IL1RAPL1: variants seen among roughly 807,000 people sequenced by gnomAD.
IL1RAPL1 encodes interleukin 1 receptor accessory protein like 1.
A neutral mutation model predicts 48.4 loss-of-function variants in IL1RAPL1; 3 were observed. The observed-to-expected ratio is 0.06, with a 90% CI of 0.03 to 0.16. IL1RAPL1 has a LOEUF of 0.16. Among genes scored for constraint, IL1RAPL1 ranks in the 10% least tolerant of loss-of-function variants. IL1RAPL1 has a pLI of 1.00. For synonymous variants in IL1RAPL1, 185 were observed against 187.7 expected (o/e 0.99, Z 0.12); for missense variants, 349 against 530.6 (o/e 0.66, Z 3.36).
chrX:29,890,134 T>C (rs1029897734), intron 6 of IL1RAPL1, among the ~76,000 whole-genome samples: 10 of 111,654 alleles, frequency 9.0e-5, no homozygotes, highest in Non-Finnish European at 5.6e-5. Context: ...ATTCTCTCAC[T>C]GTCTATTCCC....
intron 2 of IL1RAPL1, among the ~76,000 whole-genome samples, chrX:29,206,056 A>G (rs1420670360): frequency 9.0e-6 from 1 of 111,413 alleles, no homozygotes; most frequent in Non-Finnish European, 1.9e-5. Context: ...ATTAGTTTCT[A>G]TAATTTGTAT....
intron 2 of IL1RAPL1, among the ~76,000 whole-genome samples, chrX:29,090,872 C>G (rs1237072578): frequency 8.9e-6 from 1 of 112,068 alleles, no homozygotes; most frequent in Non-Finnish European, 1.9e-5. Flanking sequence ...AACTCAAAAC[C>G]ATAGAGGCTG....
intron 2 of IL1RAPL1, among the ~76,000 whole-genome samples, chrX:28,869,872 G>A (rs1464784660): frequency 9.0e-6 from 1 of 111,163 alleles, no homozygotes; most frequent in African/African-American, 3.3e-5. Flanking sequence ...TTATTTTCCT[G>A]TATCCACTAT....
At chrX:29,854,651 T>A (rs184902298) in intron 6 of IL1RAPL1, among the ~76,000 whole-genome samples, 1 of 111,454 alleles carries the variant, frequency 9.0e-6, no homozygotes, top group Non-Finnish European at 1.9e-5. Context: ...ACCCTTAAGT[T>A]AATTTTTTCT....
intron 6 of IL1RAPL1, among the ~76,000 whole-genome samples, chrX:29,673,474 G>A (rs1926191874): frequency 1.8e-5 from 2 of 111,013 alleles, no homozygotes; most frequent in South Asian, 7.6e-4. Context: ...TGATTTTACC[G>A]GATCATAGAG....
chrX:28,633,212 G>A (rs778489457), intron 1 of IL1RAPL1, among the ~76,000 whole-genome samples: 4 of 111,013 alleles, frequency 3.6e-5, no homozygotes, highest in Non-Finnish European at 7.5e-5. Flanking sequence ...TTGAAAGAAT[G>A]AGAGCAAAAA....
intron 1 of IL1RAPL1, among the ~76,000 whole-genome samples, chrX:28,709,587 G>A (rs940205826): frequency 1.3e-4 from 14 of 111,260 alleles, no homozygotes; most frequent in Admixed American, 5.8e-4. Context: ...AGAGAATGGG[G>A]TGGGGTCGTG....
At chrX:29,284,672 G>C (rs1932254039) in intron 3 of IL1RAPL1, among the ~76,000 whole-genome samples, 1 of 112,111 alleles carries the variant, frequency 8.9e-6, no homozygotes, top group Admixed American at 9.4e-5. Flanking sequence ...TTGAACCCAG[G>C]AGGCGGAGGT....
At chrX:28,717,673 T>C (rs901486576) in intron 1 of IL1RAPL1, among the ~76,000 whole-genome samples, 18 of 111,707 alleles carry the variant, frequency 1.6e-4, no homozygotes, top group African/African-American at 5.8e-4. Context: ...AAATCGTTCA[T>C]GAGTCTTTAC....
chrX:28,895,934 C>G (rs191138321), intron 2 of IL1RAPL1, among the ~76,000 whole-genome samples: 15 of 111,916 alleles, frequency 1.3e-4, no homozygotes, highest in African/African-American at 4.2e-4. Flanking sequence ...GGGAGTGGCT[C>G]CCAGGTGAGT....
intron 1 of IL1RAPL1, among the ~76,000 whole-genome samples, chrX:28,788,592 A>G (rs756045000): frequency 2.8e-5 from 3 of 108,286 alleles, no homozygotes; most frequent in African/African-American, 1.0e-4. Flanking sequence ...TCAGCCTCCC[A>G]AGTAGCTGGG....
chrX:29,837,270 A>AT (rs1362518375), intron 6 of IL1RAPL1, among the ~76,000 whole-genome samples: 2 of 51,367 alleles, frequency 3.9e-5, no homozygotes, highest in Non-Finnish European at 6.9e-5. Flanking sequence ...AAAAAAAAAA[A>AT]AAATATATAT....
intron 2 of IL1RAPL1, among the ~76,000 whole-genome samples, chrX:29,228,178 G>GCA (rs35435025): frequency 0.018 from 1,533 of 84,323 alleles, 27 homozygotes; most frequent in East Asian, 0.11. Flanking sequence ...ACACACGCGT[G>GCA]CACACACACA....
chrX:29,719,739 T>G (rs1031158006), intron 6 of IL1RAPL1, among the ~76,000 whole-genome samples: 1 of 58,717 alleles, frequency 1.7e-5, no homozygotes, highest in African/African-American at 8.2e-5. Context: ...CTCTGAAAGA[T>G]GAGCAAAAAA....
chrX:29,818,576 G>A (rs776266440), intron 6 of IL1RAPL1, among the ~76,000 whole-genome samples: 1 of 112,077 alleles, frequency 8.9e-6, no homozygotes, highest in Non-Finnish European at 1.9e-5. Flanking sequence ...TTGGAAGCAC[G>A]ATATCTTTCT....
At chrX:29,755,261 A>G (rs1892379521) in intron 6 of IL1RAPL1, among the ~76,000 whole-genome samples, 1 of 112,247 alleles carries the variant, frequency 8.9e-6, no homozygotes, top group African/African-American at 3.2e-5. Flanking sequence ...TTTGTAGGCA[A>G]CTAGGTTTAG....
chrX:29,233,793 G>A (rs1464326301), intron 2 of IL1RAPL1, among the ~76,000 whole-genome samples: 1 of 112,504 alleles, frequency 8.9e-6, no homozygotes, highest in Non-Finnish European at 1.9e-5. Context: ...ATTATTCTGG[G>A]TGGGCCTGAC....
At chrX:28,965,224 T>G (rs1924889742) in intron 2 of IL1RAPL1, among the ~76,000 whole-genome samples, 1 of 111,704 alleles carries the variant, frequency 9.0e-6, no homozygotes, top group Admixed American at 9.5e-5. Flanking sequence ...AATTGAACCT[T>G]AATAGTAAGA....
intron 2 of IL1RAPL1, among the ~76,000 whole-genome samples, chrX:28,994,764 T>A: frequency 8.9e-6 from 1 of 111,910 alleles, no homozygotes; most frequent in East Asian, 2.8e-4. Flanking sequence ...AAATATCAAA[T>A]GCAGCTTAAT....
Sources: allele counts gnomAD v4.1 joint callset (sites outside exome capture counted in the v4.1 genomes callset), GRCh38; gene constraint gnomAD v4.1.1; transcripts MANE v1.5; gene names NCBI Gene and HGNC (gene_info 2026-07-23, HGNC 2026-07-21).